Variants in CRPPA observed in about 807,000 individuals in gnomAD.
CRPPA encodes D-ribitol-5-phosphate cytidylyltransferase.
Under a neutral mutation model 52.0 loss-of-function variants are expected in CRPPA, and 43 were observed. The observed-to-expected ratio is 0.83, with a 90% CI of 0.65 to 1.07. CRPPA has a LOEUF of 1.07. CRPPA is among the 50% of genes least tolerant of loss of function. CRPPA has a pLI of 0.00. For missense variants in CRPPA, 629 were observed against 551.7 expected (o/e 1.14, Z -1.40); for synonymous variants, 250 against 203.5 (o/e 1.23, Z -1.94).
At chr7:16,408,712 C>T (rs112438144) in intron 1 of CRPPA, among the ~76,000 whole-genome samples, 71 of 152,238 alleles carry the variant, frequency 4.7e-4, no homozygotes, top group African/African-American at 1.3e-3. Context: ...AAATGGCAAA[C>T]AGGACTTTGC....
At position 16,089,621 on chromosome 7, in the gene CRPPA, ATATG is replaced by A. The variant is rs772658101; in HGVS notation, c.*2070_*2073del. ...CATATATATGGGTATACATACATGT[ATATG>A]TATGTATGTATTTTTTTTTCCCAAT... is the stretch of plus-strand genomic sequence containing the variant. On this transcript the variant is annotated 3_prime_UTR_variant, in exon 10 of 10. Transcript: ENST00000407010. 77 of 209,254 alleles carry A rather than the reference ATATG, an allele frequency of 3.7e-4. No homozygotes were observed. The highest frequency in any genetic ancestry group is 1.4e-3 in the African/African-American group (64 of 44,498). The allele number at this position is 209,254 out of a possible 1,614,324, so 13.0% of individuals were successfully genotyped here.
chr7:16,092,829 T>G (rs1389423006), intron 9 of CRPPA, among the ~76,000 whole-genome samples: 1 of 152,202 alleles, frequency 6.6e-6, no homozygotes, highest in Non-Finnish European at 1.5e-5. Context: ...CTCTTCTTGA[T>G]ATTCCCCTAA....
chr7:16,180,151 T>A (rs1054130240), intron 9 of CRPPA, among the ~76,000 whole-genome samples: 3 of 152,066 alleles, frequency 2.0e-5, no homozygotes, highest in African/African-American at 7.2e-5. Context: ...CCAAGTTGCA[T>A]GTTAGAATTA....
intron 9 of CRPPA, among the ~76,000 whole-genome samples, chr7:16,204,584 C>T (rs939222879): frequency 1.3e-5 from 2 of 152,048 alleles, no homozygotes; most frequent in Admixed American, 1.3e-4. Context: ...ACAACATACG[C>T]ATGTAACAAA....
intron 9 of CRPPA, among the ~76,000 whole-genome samples, chr7:16,188,506 A>G (rs1449652827): frequency 6.6e-6 from 1 of 152,220 alleles, no homozygotes. Context: ...TCAAAGACTT[A>G]GAAATCAGAC....
intron 5 of CRPPA, among the ~76,000 whole-genome samples, chr7:16,285,023 G>A (rs1784394801): frequency 6.6e-6 from 1 of 152,142 alleles, no homozygotes; most frequent in Non-Finnish European, 1.5e-5. Context: ...ATTTTTTCAT[G>A]AAGCACAAAA....
intron 3 of CRPPA, among the ~76,000 whole-genome samples, chr7:16,353,626 G>C (rs771121006): frequency 2.0e-5 from 3 of 152,120 alleles, no homozygotes; most frequent in Non-Finnish European, 2.9e-5. Flanking sequence ...AAGGCGGGTG[G>C]ATCACCTGAG....
chr7:16,089,030 A>G lies in CRPPA; in HGVS notation c.*2665T>C, dbSNP rs186374336. ...ATCAGTCTTCCTTATTTTAAGCCCAAACTTTTGTTACTATTCAGTCACATG... is the reference window on the plus strand; with the variant it reads ...ATCAGTCTTCCTTATTTTAAGCCCAGACTTTTGTTACTATTCAGTCACATG... On this transcript the variant is annotated 3_prime_UTR_variant, in exon 10 of 10. Coordinates refer to ENST00000407010, the MANE Select transcript of CRPPA (RefSeq NM_001101426.4). 158 of 224,260 alleles carry G rather than the reference A, an allele frequency of 7.0e-4. 1 individual carries two copies. Among genetic ancestry groups the G allele is most frequent in the Non-Finnish European group, 2.4e-4 (24 of 101,880 alleles). 13.9% of individuals were successfully genotyped at this position (224,260 alleles called of 1,614,324 possible).
intron 9 of CRPPA, among the ~76,000 whole-genome samples, chr7:16,182,064 G>A (rs1013218451): frequency 1.3e-5 from 2 of 151,854 alleles, no homozygotes; most frequent in East Asian, 1.9e-4. Flanking sequence ...ATATTTACCA[G>A]TGAGCAATAA....
chr7:16,176,018 T>G (rs1276816741), intron 9 of CRPPA, among the ~76,000 whole-genome samples: 1 of 152,134 alleles, frequency 6.6e-6, no homozygotes, highest in Non-Finnish European at 1.5e-5. Flanking sequence ...GTGGGAATAG[T>G]AGGCCCCTAA....
intron 2 of CRPPA, among the ~76,000 whole-genome samples, chr7:16,400,542 C>T (rs562096076): frequency 7.9e-5 from 12 of 152,306 alleles, no homozygotes; most frequent in African/African-American, 2.2e-4. Flanking sequence ...ACTACTGACA[C>T]GTCGACACGA....
Position 16,097,370 on chromosome 7 carries a change from T to A in CRPPA, c.1252-5571A>T, listed in dbSNP as rs974320323. Among the ~76,000 whole-genome samples the A allele has an allele frequency of 2.6e-5, 4 of 152,162 alleles. No individual in the cohort carries two copies. In the South Asian group the frequency reaches 8.3e-4, roughly 32 times the overall value. On this transcript the variant is annotated intron_variant, in intron 9 of 9. Coordinates refer to ENST00000407010, the MANE Select transcript of CRPPA (RefSeq NM_001101426.4). The stretch of plus-strand genomic sequence containing the variant: ...AAAACGCAATATAATATATGCATTT[T>A]TAATTTTCTAAATTATCAGACTGAA...
chr7:16,112,115 G>T (rs1242090357), intron 9 of CRPPA, among the ~76,000 whole-genome samples: 1 of 152,116 alleles, frequency 6.6e-6, no homozygotes, highest in Non-Finnish European at 1.5e-5. Context: ...AGGGGTTTGA[G>T]ACCAGCCTGA....
intron 9 of CRPPA, among the ~76,000 whole-genome samples, chr7:16,104,393 T>G (rs1017511356): frequency 2.8e-4 from 42 of 152,216 alleles, no homozygotes; most frequent in African/African-American, 8.9e-4. Context: ...GATGAAGTCA[T>G]TCTCCAGGTG....
At chr7:16,202,314 C>T (rs1781878528) in intron 9 of CRPPA, among the ~76,000 whole-genome samples, 4 of 152,088 alleles carry the variant, frequency 2.6e-5, no homozygotes, top group African/African-American at 9.7e-5. Flanking sequence ...GTTTTACACA[C>T]TTTCAGGAAT....
At chr7:16,253,738 G>A (rs527760485) in intron 8 of CRPPA, among the ~76,000 whole-genome samples, 4 of 152,112 alleles carry the variant, frequency 2.6e-5, no homozygotes, top group African/African-American at 9.6e-5. Flanking sequence ...TTGACAAACG[G>A]GATCTAATTA....
intron 9 of CRPPA, among the ~76,000 whole-genome samples, chr7:16,151,185 T>C (rs187834082): frequency 2.0e-5 from 3 of 152,274 alleles, no homozygotes; most frequent in East Asian, 3.9e-4. Flanking sequence ...CCTCAATGAC[T>C]AAATGAGTCA....
At chr7:16,188,823 ACT>A (rs1781553804) in intron 9 of CRPPA, among the ~76,000 whole-genome samples, 1 of 152,114 alleles carries the variant, frequency 6.6e-6, no homozygotes, top group Non-Finnish European at 1.5e-5. Context: ...CAGCATGGGA[ACT>A]CTGTCATCAT....
chr7:16,305,738 C>T (rs924688317), intron 4 of CRPPA, among the ~76,000 whole-genome samples: 8 of 152,042 alleles, frequency 5.3e-5, no homozygotes, highest in Non-Finnish European at 1.0e-4. Flanking sequence ...TGGTGGCAAG[C>T]GCCTGTGGTG....
Sources: allele counts gnomAD v4.1 joint callset (sites outside exome capture counted in the v4.1 genomes callset), GRCh38; gene constraint gnomAD v4.1.1; transcripts MANE v1.5; gene names NCBI Gene and HGNC (gene_info 2026-07-23, HGNC 2026-07-21).